ZNF385D: variants seen among roughly 807,000 people sequenced by gnomAD.
The protein encoded by ZNF385D is zinc finger protein 659.
ZNF385D carries 15 observed loss-of-function variants against 35.8 expected under a neutral mutation model. That is an observed-to-expected ratio of 0.42 (90% CI 0.28 to 0.64). The LOEUF (loss-of-function observed/expected upper bound fraction) is 0.64. ZNF385D is among the 30% of genes least tolerant of loss of function. ZNF385D has a pLI of 0.23. For synonymous variants in ZNF385D, 212 were observed against 186.8 expected, an observed-to-expected ratio of 1.13 and a Z score of -1.10; for missense variants, 474 against 494.6, an observed-to-expected ratio of 0.96 and a Z score of 0.39.
intron 2 of ZNF385D, among the ~76,000 whole-genome samples, chr3:22,316,751 A>G (rs558867177): frequency 6.6e-5 from 10 of 152,326 alleles, no homozygotes; most frequent in African/African-American, 2.2e-4. Context: ...CTACACAGCT[A>G]CCAAGTCAGC....
intron 3 of ZNF385D, among the ~76,000 whole-genome samples, chr3:21,848,551 G>C (rs1308847133): frequency 1.3e-5 from 2 of 151,780 alleles, no homozygotes; most frequent in Non-Finnish European, 2.9e-5. Context: ...GTAAAAAGGA[G>C]ACATTAAAAT....
intron 2 of ZNF385D, among the ~76,000 whole-genome samples, chr3:22,199,663 G>A (rs1263610685): frequency 2.0e-5 from 3 of 152,104 alleles, no homozygotes; most frequent in Non-Finnish European, 4.4e-5. Context: ...TAGCCTCATT[G>A]TTCAGATGGA....
intron 2 of ZNF385D, among the ~76,000 whole-genome samples, chr3:22,276,775 C>T (rs1414710595): frequency 6.6e-6 from 1 of 151,968 alleles, no homozygotes; most frequent in East Asian, 1.9e-4. Flanking sequence ...GACTCCAATG[C>T]AAAACTCAAT....
intron 3 of ZNF385D, among the ~76,000 whole-genome samples, chr3:21,542,584 G>A (rs1349540314): frequency 6.6e-6 from 1 of 152,122 alleles, no homozygotes; most frequent in Non-Finnish European, 1.5e-5. Context: ...TGGCCTGCCA[G>A]TGATCCTCTT....
intron 4 of ZNF385D, among the ~76,000 whole-genome samples, chr3:21,448,127 A>G (rs1178239873): frequency 3.9e-5 from 6 of 152,162 alleles, no homozygotes; most frequent in African/African-American, 1.4e-4. Flanking sequence ...ACTTGCCACA[A>G]CACATTGCTC....
intron 2 of ZNF385D, among the ~76,000 whole-genome samples, chr3:22,206,998 A>C (rs1204281095): frequency 1.3e-5 from 2 of 151,928 alleles, no homozygotes; most frequent in Non-Finnish European, 2.9e-5. Flanking sequence ...CAAAACTGAC[A>C]AATCTTAGCC....
chr3:21,892,278 G>C (rs986353356), intron 3 of ZNF385D, among the ~76,000 whole-genome samples: 1 of 152,142 alleles, frequency 6.6e-6, no homozygotes, highest in Non-Finnish European at 1.5e-5. Context: ...GCACAGCTTT[G>C]AAAGCGCTAC....
At chr3:21,611,153 A>C (rs956026118) in intron 2 of ZNF385D, among the ~76,000 whole-genome samples, 1 of 152,250 alleles carries the variant, frequency 6.6e-6, no homozygotes, top group Non-Finnish European at 1.5e-5. Flanking sequence ...TTGCCTTTGC[A>C]GTACTATTCA....
At chr3:22,263,738 T>C (rs1700751892) in intron 2 of ZNF385D, among the ~76,000 whole-genome samples, 1 of 151,970 alleles carries the variant, frequency 6.6e-6, no homozygotes, top group Non-Finnish European at 1.5e-5. Flanking sequence ...CCAGGGGCAG[T>C]TTTTATGCCA....
chr3:22,323,224 T>G (rs989123475), intron 2 of ZNF385D, among the ~76,000 whole-genome samples: 2 of 152,110 alleles, frequency 1.3e-5, no homozygotes, highest in Non-Finnish European at 2.9e-5. Flanking sequence ...GGCCACAAGT[T>G]TCAGTGGATC....
intron 2 of ZNF385D, among the ~76,000 whole-genome samples, chr3:21,600,619 C>G (rs558633099): frequency 2.0e-4 from 30 of 152,032 alleles, no homozygotes; most frequent in South Asian, 1.5e-3. Flanking sequence ...AAATTTAAAG[C>G]TGATATCATA....
At chr3:22,253,667 T>A (rs533811719) in intron 2 of ZNF385D, among the ~76,000 whole-genome samples, 1 of 152,108 alleles carries the variant, frequency 6.6e-6, no homozygotes, top group East Asian at 1.9e-4. Flanking sequence ...ACAAATGATG[T>A]TATTCTGGGA....
chr3:21,539,825 A>G lies in ZNF385D; in HGVS notation c.276+24749T>C, dbSNP rs2062128725. Among the ~76,000 whole-genome samples, 1 of 152,158 alleles carries G rather than the reference A, an allele frequency of 6.6e-6. No individual in the cohort carries two copies. Among genetic ancestry groups the G allele is most frequent in the African/African-American group, 2.4e-5 (1 of 41,456 alleles). ...AAATATGGGTTGGCTTGGAGAAATAAGAAATATTTTTACTACAAACACAGC... is the reference window on the plus strand; with the variant it reads ...AAATATGGGTTGGCTTGGAGAAATAGGAAATATTTTTACTACAAACACAGC... On this transcript the variant is annotated intron_variant, in intron 3 of 7. Coordinates refer to ENST00000281523, the MANE Select transcript of ZNF385D (RefSeq NM_024697.3). The surrounding 1 kb of genome is among the most constrained non-coding windows in gnomAD (Gnocchi z 4.0).
intron 3 of ZNF385D, among the ~76,000 whole-genome samples, chr3:21,990,144 C>A (rs566305224): frequency 6.6e-6 from 1 of 152,320 alleles, no homozygotes; most frequent in South Asian, 2.1e-4. Flanking sequence ...TATGTCAGAT[C>A]TGAGCAATGA....
At chr3:22,034,414 T>C (rs1247112162) in intron 3 of ZNF385D, among the ~76,000 whole-genome samples, 1 of 152,190 alleles carries the variant, frequency 6.6e-6, no homozygotes, top group Non-Finnish European at 1.5e-5. Flanking sequence ...TTATTTCTGT[T>C]ATTTATATGC....
At chr3:22,330,116 GC>G (rs1694868832) in intron 2 of ZNF385D, among the ~76,000 whole-genome samples, 1 of 151,994 alleles carries the variant, frequency 6.6e-6, no homozygotes. Flanking sequence ...CATCTATTGA[GC>G]TTTTCATTTC....
At chr3:22,164,214 C>T (rs1452263358) in intron 3 of ZNF385D, among the ~76,000 whole-genome samples, 1 of 108,388 alleles carries the variant, frequency 9.2e-6, no homozygotes, top group Non-Finnish European at 1.9e-5. Context: ...ACAAAAGGAG[C>T]ACTTTTTTTT....
intron 3 of ZNF385D, among the ~76,000 whole-genome samples, chr3:22,064,269 C>T (rs555191270): frequency 6.6e-6 from 1 of 152,204 alleles, no homozygotes; most frequent in South Asian, 2.1e-4. Flanking sequence ...TTCTCTAACA[C>T]AAATGGTGTT....
chr3:22,321,467 G>A (rs1232653043), intron 2 of ZNF385D, among the ~76,000 whole-genome samples: 1 of 152,010 alleles, frequency 6.6e-6, no homozygotes, highest in African/African-American at 2.4e-5. Context: ...CTGGGTTCAA[G>A]CGATTCTCCT....
Sources: gnomAD v4.1 joint callset for allele counts (sites outside exome capture counted in the v4.1 genomes callset) on GRCh38, gnomAD v4.1.1 for gene constraint, Gnocchi (gnomAD v3.1) non-coding constraint, MANE v1.5 for transcripts, NCBI Gene and HGNC (gene_info 2026-07-23, HGNC 2026-07-21) for gene names.